Variants in BCL2L14 observed in about 807,000 individuals in gnomAD.
The protein encoded by BCL2L14 is BCL2 like 14.
Under a neutral mutation model 35.3 loss-of-function variants are expected in BCL2L14, and 27 were observed. That is an observed-to-expected ratio of 0.76 (90% CI 0.56 to 1.05). The LOEUF is 1.05. Ranked by LOEUF, BCL2L14 falls within the 50% of genes least tolerant of loss-of-function variation. The pLI, the probability that BCL2L14 is intolerant of heterozygous loss-of-function variation, is 0.00. For synonymous variants in BCL2L14, 139 were observed against 145.9 expected (o/e 0.95, Z 0.34); for missense variants, 377 against 382.6 (o/e 0.99, Z 0.12).
chr12:12,056,282 A>G (rs529575223), intron 2 of BCL2L14, among the ~76,000 whole-genome samples: 9 of 152,214 alleles, frequency 5.9e-5, no homozygotes, highest in African/African-American at 2.2e-4. Context: ...TCAAGAGTAA[A>G]TTTTTCCTTA....
intron 2 of BCL2L14, among the ~76,000 whole-genome samples, chr12:12,058,802 G>A (rs1340012010): frequency 2.0e-5 from 3 of 152,310 alleles, no homozygotes; most frequent in African/African-American, 7.2e-5. Context: ...CCATGACTCA[G>A]ATGGGGGACC....
In BCL2L14 at chr12:12,081,375, A is replaced by G. The variant is rs183246107; in HGVS notation, c.433+1637A>G. ...GAGGCTGAGGTGGAAGGATCACTTG[A>G]GCTCAGGAGGTCAAGGCTGCAGTGA... On this transcript the variant is annotated intron_variant, in intron 2 of 5. Transcript: ENST00000308721. Among the ~76,000 whole-genome samples, 474 of 150,864 alleles carry G rather than the reference A, an allele frequency of 3.1e-3. 5 individuals carry two copies. The highest frequency in any genetic ancestry group is 0.011 in the African/African-American group (445 of 40,992).
At chr12:12,078,478 A>T (rs1230847911) in intron 1 of BCL2L14, among the ~76,000 whole-genome samples, 2 of 152,220 alleles carry the variant, frequency 1.3e-5, no homozygotes, top group African/African-American at 4.8e-5. Flanking sequence ...CCTGATAGTC[A>T]AAGACCACCA....
Position 12,095,670 on chromosome 12 carries a change from CTCT to C in BCL2L14, c.945+742_945+744del, listed in dbSNP as rs908306251. ...CCTTCATCCCACATTATCCTTAGTT[CTCT>C]TTCCACTAGAATGGTCCAGGGGCCA... On this transcript the variant is annotated intron_variant, in intron 5 of 5. Transcript: ENST00000308721. The C allele has an allele frequency of 2.2e-5, 22 of 985,328 alleles. No individual in the cohort carries two copies. In the African/African-American group the frequency reaches 3.5e-4, roughly 16 times the overall value. 61.0% of individuals were successfully genotyped at this position (985,328 alleles called of 1,614,324 possible). A position where few individuals can be genotyped will look rare whatever the true frequency, so the allele number is the denominator to read the frequency against.
intron 3 of BCL2L14, among the ~76,000 whole-genome samples, chr12:12,090,058 A>T (rs532580594): frequency 6.6e-6 from 1 of 152,328 alleles, no homozygotes; most frequent in South Asian, 2.1e-4. Context: ...TATGAGATTT[A>T]TGGTGTCCAT....
In BCL2L14 at chr12:12,094,859, A is replaced by T. The variant is rs61739220; in HGVS notation, c.874A>T (p.Arg292Trp). Reference sequence around the variant, plus strand: ...AGCTATTGACAACCACCCGATGAACAGGGTCCTGGGCTTTGGCACCAAGTA... The same window carrying T: ...AGCTATTGACAACCACCCGATGAACTGGGTCCTGGGCTTTGGCACCAAGTA... ...LTAIDNHPMN[R>W]VLGFGTKYLK... Residue 292 changes from arginine to tryptophan, a missense_variant, in exon 5 of 6, where the codon AGG becomes TGG. Coordinates refer to ENST00000308721, the MANE Select transcript of BCL2L14 (RefSeq NM_138723.2). 34,365 of 1,614,148 alleles carry T rather than the reference A, an allele frequency of 0.021. 798 individuals are homozygous for T. The highest frequency in any genetic ancestry group is 0.11 in the African/African-American group (8,192 of 75,006).
chr12:12,098,062 T>A (rs1479124885), intron 5 of BCL2L14, among the ~76,000 whole-genome samples: 1 of 149,166 alleles, frequency 6.7e-6, no homozygotes, highest in Admixed American at 6.7e-5. Context: ...TAGAAAAAAA[T>A]AAAGGAGGAT....
rs547140565 is a variant in BCL2L14, at chr12:12,095,006, A to G, written c.945+76A>G. Reference sequence around the variant, plus strand: ...GGATGGATTTTTTTTTTTTTTTTAAATGAAGGGAACACATCTATGAAGCAG... The same window carrying G: ...GGATGGATTTTTTTTTTTTTTTTAAGTGAAGGGAACACATCTATGAAGCAG... On this transcript the variant is annotated intron_variant, in intron 5 of 5. Transcript: ENST00000308721. The G allele has an allele frequency of 1.1e-5, 16 of 1,514,710 alleles. No homozygotes were observed. In the East Asian group the frequency reaches 3.3e-4, roughly 31 times the overall value. 93.8% of individuals were successfully genotyped at this position (1,514,710 alleles called of 1,614,324 possible).
chr12:12,073,631 G>A (rs879399801), intron 1 of BCL2L14, among the ~76,000 whole-genome samples: 4 of 152,056 alleles, frequency 2.6e-5, no homozygotes, highest in African/African-American at 7.2e-5. Context: ...TAAAGCCCTC[G>A]TGTTATATTA....
In BCL2L14 at chr12:12,098,943, C is replaced by T; in HGVS notation, c.946-7C>T. On this transcript the variant is annotated splice_region_variant and splice_polypyrimidine_tract_variant and intron_variant, in intron 5 of 5. Transcript: ENST00000308721. ...TGGAATTTTAAGAACCTATTTTTCCCCTCTAGGAAAAAATACTTGGGATAT... is the reference window on the plus strand; with the variant it reads ...TGGAATTTTAAGAACCTATTTTTCCTCTCTAGGAAAAAATACTTGGGATAT... 1 of 1,579,384 alleles carries T rather than the reference C, an allele frequency of 6.3e-7. No individual in the cohort carries two copies. Among genetic ancestry groups the T allele is most frequent in the Non-Finnish European group, 8.7e-7 (1 of 1,148,526 alleles).
chr12:12,065,875 T>A lies in BCL2L14; in HGVS notation c.-271-11831T>A, dbSNP rs145401074. Among the ~76,000 whole-genome samples, 4 of 151,576 alleles carry A rather than the reference T, an allele frequency of 2.6e-5. No homozygotes were observed. In the East Asian group the frequency reaches 5.9e-4, roughly 22 times the overall value. ...GGCACAATCTTGGCTCACTGCAACC[T>A]CTGCCACCCAGGTTCAAGCGTTCTC... On this transcript the variant is annotated intron_variant, in intron 2 of 3. Coordinates refer to the BCL2L14 transcript ENST00000461264.
At chr12:12,088,386 G>T (rs1313231311) in intron 3 of BCL2L14, among the ~76,000 whole-genome samples, 1 of 152,088 alleles carries the variant, frequency 6.6e-6, no homozygotes, top group Non-Finnish European at 1.5e-5. Flanking sequence ...TACGCAAGTG[G>T]GCTTTCCACT....
At chr12:12,057,753 A>C (rs573817993) in intron 2 of BCL2L14, among the ~76,000 whole-genome samples, 2 of 132,150 alleles carry the variant, frequency 1.5e-5, no homozygotes, top group East Asian at 7.2e-4. Context: ...GCAAAACTCC[A>C]TTAAAAAAAA....
At chr12:12,057,944 TGTC>T (rs1948456887) in intron 2 of BCL2L14, among the ~76,000 whole-genome samples, 1 of 94,296 alleles carries the variant, frequency 1.1e-5, no homozygotes, top group Non-Finnish European at 2.5e-5. Context: ...TTTGTGTGTT[TGTC>T]TTTTTTTTTT....
chr12:12,094,629 G>T (rs1949270257), intron 4 of BCL2L14, 35 bp from the exon 5 acceptor site: 2 of 1,614,070 alleles, frequency 1.2e-6, no homozygotes, highest in African/African-American at 2.7e-5. Flanking sequence ...GTGGAGCCAA[G>T]CTACTGTACT....
intron 2 of BCL2L14, among the ~76,000 whole-genome samples, chr12:12,053,092 CCAT>C (rs1432983567): frequency 2.0e-5 from 3 of 152,200 alleles, no homozygotes; most frequent in African/African-American, 7.2e-5. Flanking sequence ...ACCACCACCA[CCAT>C]TTCTCTAGCA....
chr12:12,079,564 G>A lies in BCL2L14; in HGVS notation c.259G>A (p.Gly87Ser). 6.2e-7 allele frequency: 1 copy of A among 1,614,178 alleles called. No homozygotes were observed. The highest frequency in any genetic ancestry group is 8.5e-7 in the Non-Finnish European group (1 of 1,180,036). ...ATCCAGTGAGAAGGCCATAAACCTT[G>A]GCAAGAAAAAGTCTTCTTGGAAAGC... ...SQSSEKAINLGKKKSSWKAFF... is the reference protein window; with the variant it reads ...SQSSEKAINLSKKKSSWKAFF... Residue 87 changes from glycine (G) to serine (S), a missense_variant, in exon 2 of 6, where the codon GGC (glycine) becomes AGC (serine). By Grantham distance (56) the Gly-to-Ser change is moderately conservative. Transcript: ENST00000308721.
Position 12,079,457 on chromosome 12 carries a change from G to T in BCL2L14, c.152G>T (p.Arg51Ile), listed in dbSNP as rs769792959. Residue 51 changes from arginine (R) to isoleucine (I), a missense_variant, in exon 2 of 6, where the codon AGA becomes ATA. Arg to Ile is a moderately conservative substitution (Grantham distance 97, BLOSUM62 -3). Coordinates refer to ENST00000308721, the MANE Select transcript of BCL2L14 (RefSeq NM_138723.2). ...TTCTCACCAAAGCTGCTGAGAACAA[G>T]AAGTTTGTCCCAGAGGGGCCTGGGG... ...ALFSPKLLRT[R>I]SLSQRGLGNC... 77 of 1,614,120 alleles carry T rather than the reference G, an allele frequency of 4.8e-5. No individual in the cohort carries two copies. The highest frequency in any genetic ancestry group is 6.5e-5 in the Non-Finnish European group (77 of 1,180,052).
intron 3 of BCL2L14, among the ~76,000 whole-genome samples, chr12:12,089,001 G>A (rs750835458): frequency 7.2e-5 from 11 of 152,226 alleles, no homozygotes; most frequent in Admixed American, 3.3e-4. Context: ...GAGAAATACA[G>A]GCAGCTGTGC....
Sources: allele counts gnomAD v4.1 joint callset (sites outside exome capture counted in the v4.1 genomes callset), GRCh38; gene constraint gnomAD v4.1.1; transcripts MANE v1.5; gene names NCBI Gene and HGNC (gene_info 2026-07-23, HGNC 2026-07-21).